The following LAMC2 variants were observed in gnomAD, a reference collection of about 807,000 sequenced individuals.
LAMC2 encodes laminin subunit gamma-2.
Under a neutral mutation model 140.2 loss-of-function variants are expected in LAMC2, and 97 were observed. That is an observed-to-expected ratio of 0.69 (90% CI 0.59 to 0.82). The LOEUF (loss-of-function observed/expected upper bound fraction) is 0.82. LAMC2 is among the 40% of genes least tolerant of loss of function. The probability of loss-of-function intolerance (pLI) is 0.00; values close to 1 mark genes in which losing one functional copy is unlikely to be tolerated. For missense variants in LAMC2, 1,402 were observed against 1,476.1 expected (o/e 0.95, Z 0.82); for synonymous variants, 513 against 540.2 (o/e 0.95, Z 0.70).
chr1:183,249,862 C>G (rs545523893), downstream of LAMC2: 1 of 152,188 alleles, frequency 6.6e-6, no homozygotes, highest in South Asian at 2.1e-4. Context: ...AGATCTGCCC[C>G]ACTTCATTCC....
downstream of LAMC2, among the ~76,000 whole-genome samples, chr1:183,246,345 T>G (rs1660243201): frequency 6.6e-6 from 1 of 152,172 alleles, no homozygotes; most frequent in African/African-American, 2.4e-5. Flanking sequence ...GGGATGTGGC[T>G]TCCCCAGGAT....
In LAMC2 at chr1:183,231,123, C is replaced by T; in HGVS notation, c.1857+20C>T. The T allele has an allele frequency of 6.2e-7, 1 of 1,613,924 alleles. No individual in the cohort carries two copies. The highest frequency in any genetic ancestry group is 8.5e-7 in the Non-Finnish European group (1 of 1,179,880). On this transcript the variant is annotated intron_variant, in intron 12 of 22. Coordinates refer to ENST00000264144, the MANE Select transcript of LAMC2 (RefSeq NM_005562.3). Reference sequence around the variant, plus strand: ...ATTCAGGTATGCATTCTTCCCCTTACCACCCCCAACCCCACAGAATCAAAT... The same window carrying T: ...ATTCAGGTATGCATTCTTCCCCTTATCACCCCCAACCCCACAGAATCAAAT...
chr1:183,226,576 T>C, intron 8 of LAMC2, 122 bp from the exon 9 acceptor site: 1 of 846,934 alleles, frequency 1.2e-6, no homozygotes, highest in East Asian at 2.5e-5. Context: ...CTACATGGCA[T>C]GATATATGAA....
rs114674625 is a variant in LAMC2, at chr1:183,228,317, G to C, written c.1469-57G>C. ...GTGACTCGCAACTTTAGGCCTCTGC[G>C]TCTGGTCTTCCTCCTGATGGATGTC... On this transcript the variant is annotated intron_variant, in intron 10 of 22. Transcript: ENST00000264144. This position sits in a 1 kb window ranked among gnomAD's most constrained non-coding sequence, Gnocchi z 4.3. The C allele has an allele frequency of 1.9e-5, 30 of 1,612,850 alleles. No homozygotes were observed. The highest frequency in any genetic ancestry group is 2.2e-5 in the Non-Finnish European group (26 of 1,179,230).
At chr1:183,220,433 C>T (rs999351369) in intron 4 of LAMC2, among the ~76,000 whole-genome samples, 3 of 151,970 alleles carry the variant, frequency 2.0e-5, no homozygotes, top group Admixed American at 6.6e-5. Context: ...CTGGTCCCCA[C>T]CTCCCAGTCT....
At chr1:183,213,969 G>A (rs902646809) in intron 2 of LAMC2, among the ~76,000 whole-genome samples, 3 of 151,986 alleles carry the variant, frequency 2.0e-5, no homozygotes, top group Middle Eastern at 3.4e-3. Context: ...GGAGGCTGAG[G>A]CAGGAGAATC....
intron 2 of LAMC2, among the ~76,000 whole-genome samples, chr1:183,212,862 C>T (rs1659114197): frequency 6.6e-6 from 1 of 152,180 alleles, no homozygotes; most frequent in African/African-American, 2.4e-5. Flanking sequence ...ACCTGAGTGT[C>T]ATCAATGTGA....
Position 183,227,549 on chromosome 1 carries a change from TGA to T in LAMC2, c.1322_1323del (p.Glu441ValfsTer3). The T allele has an allele frequency of 6.2e-7, 1 of 1,614,198 alleles. No individual in the cohort carries two copies. The highest frequency in any genetic ancestry group is 8.5e-7 in the Non-Finnish European group (1 of 1,180,040). ...ATTCAGGGGATGAGAATCCTGACAT[TGA>T]GTGTGCTGACTGCCCAATTGGTTTC... ...CYSGDENPDI[E>X]CADCPIGFYN... On this transcript the variant is annotated frameshift_variant, in exon 10 of 23. Coordinates refer to ENST00000264144, the MANE Select transcript of LAMC2 (RefSeq NM_005562.3). LOFTEE classifies it high-confidence loss of function.
chr1:183,199,327 C>A (rs531673547), intron 1 of LAMC2, among the ~76,000 whole-genome samples: 23 of 152,158 alleles, frequency 1.5e-4, no homozygotes, highest in African/African-American at 5.3e-4. Flanking sequence ...TGGTCTTGAT[C>A]TCTTAATCTC....
intron 14 of LAMC2, among the ~76,000 whole-genome samples, chr1:183,233,545 A>G (rs1190365530): frequency 6.6e-6 from 1 of 152,204 alleles, no homozygotes; most frequent in Non-Finnish European, 1.5e-5. Context: ...ATCAGATACT[A>G]TAATGAGGAA....
intron 22 of LAMC2, chr1:183,241,264 A>G (rs953882939): frequency 3.1e-6 from 3 of 976,220 alleles, no homozygotes; most frequent in African/African-American, 1.8e-5. Flanking sequence ...AAAAAAAAGG[A>G]AAAATAAAAA....
intron 1 of LAMC2, among the ~76,000 whole-genome samples, chr1:183,201,069 A>G (rs2102183110): frequency 6.6e-6 from 1 of 152,234 alleles, no homozygotes; most frequent in South Asian, 2.1e-4. Flanking sequence ...GGCTGTGGAG[A>G]GAATGCTGGC....
At position 183,195,796 on chromosome 1, in the gene LAMC2, C is replaced by T. The variant is rs60815834; in HGVS notation, c.79+9365C>T. Among the ~76,000 whole-genome samples, 3 of 77,518 alleles carry T rather than the reference C, an allele frequency of 3.9e-5. No homozygotes were observed. The East Asian group carries it at 1.8e-3, about 46-fold the overall frequency. 50.9% of individuals were successfully genotyped at this position (77,518 alleles called of 152,430 possible). On this transcript the variant is annotated intron_variant, in intron 1 of 22. Transcript: ENST00000264144. ...TATTCACACATTAAACAATGAAGTT[C>T]AAGGCCAGTTTAAATGATGAAGGAT...
chr1:183,218,385 C>T lies in LAMC2; in HGVS notation c.405-5C>T, dbSNP rs1252595137. On this transcript the variant is annotated splice_region_variant and splice_polypyrimidine_tract_variant and intron_variant, in intron 3 of 22. Coordinates refer to ENST00000264144, the MANE Select transcript of LAMC2 (RefSeq NM_005562.3). ...GTCCCTAATTTTCTTTTTCTTCTTC[C>T]CCAGAGACTCCAAGTGTGACTGTGA... 2 of 1,612,570 alleles carry T rather than the reference C, an allele frequency of 1.2e-6. No individual in the cohort carries two copies. The highest frequency in any genetic ancestry group is 2.2e-5 in the East Asian group (1 of 44,872).
intron 1 of LAMC2, among the ~76,000 whole-genome samples, chr1:183,195,149 T>A (rs893911965): frequency 1.3e-5 from 2 of 152,232 alleles, no homozygotes; most frequent in African/African-American, 4.8e-5. Context: ...CCCTGTTCAC[T>A]GGGACTTTCT....
chr1:183,235,499 C>T (rs777072566), intron 15 of LAMC2, 76 bp from the exon 16 acceptor site: 1 of 1,524,898 alleles, frequency 6.6e-7, no homozygotes, highest in Non-Finnish European at 9.0e-7. Flanking sequence ...GTACTCTTTG[C>T]CCTTCGTGTA....
intron 18 of LAMC2, 125 bp from the exon 19 acceptor site, chr1:183,238,182 G>C (rs768778698): frequency 8.3e-6 from 6 of 725,602 alleles, no homozygotes; most frequent in African/African-American, 1.7e-5. Context: ...AGAGGGGTTT[G>C]CTACAGCACC....
At chr1:183,215,401 C>T (rs1659219650) in intron 2 of LAMC2, 52 bp from the exon 3 acceptor site, 3 of 1,607,752 alleles carry the variant, frequency 1.9e-6, no homozygotes, top group Admixed American at 3.3e-5. Context: ...ATGCCGCATA[C>T]ATTAAAATAT....
At chr1:183,256,400 C>G in the LAMC2 span, among the ~76,000 whole-genome samples, 3 of 152,038 alleles carry the variant, frequency 2.0e-5, no homozygotes, top group Non-Finnish European at 4.4e-5. Flanking sequence ...CAGAACCAGA[C>G]TCCATCTCAA....
Sources: gnomAD v4.1 joint callset for allele counts (sites outside exome capture counted in the v4.1 genomes callset) on GRCh38, gnomAD v4.1.1 for gene constraint, Gnocchi (gnomAD v3.1) non-coding constraint, MANE v1.5 for transcripts, NCBI Gene and HGNC (gene_info 2026-07-23, HGNC 2026-07-21) for gene names.